Variants in EYS observed in about 807,000 individuals in gnomAD.
EYS encodes protein eyes shut homolog.
Under a neutral mutation model 282.1 loss-of-function variants are expected in EYS, and 250 were observed. The ratio of observed to expected loss-of-function variants is 0.89; its 90% CI spans 0.80 to 0.98. The LOEUF is 0.98. Ranked by LOEUF, EYS falls within the 50% of genes least tolerant of loss-of-function variation. The pLI, the probability that EYS is intolerant of heterozygous loss-of-function variation, is 0.00. For synonymous variants in EYS, 1,355 were observed against 1,282.9 expected, an observed-to-expected ratio of 1.06 and a Z score of -1.20; for missense variants, 4,016 against 3,709.0, an observed-to-expected ratio of 1.08 and a Z score of -2.15.
At chr6:64,579,616 C>A (rs968329701) in intron 26 of EYS, among the ~76,000 whole-genome samples, 1 of 152,082 alleles carries the variant, frequency 6.6e-6, no homozygotes, top group Non-Finnish European at 1.5e-5. Context: ...TAAATGTCCT[C>A]CACAAGCCTT....
intron 22 of EYS, among the ~76,000 whole-genome samples, chr6:64,651,990 T>C (rs1245404150): frequency 6.6e-6 from 1 of 152,212 alleles, no homozygotes; most frequent in African/African-American, 2.4e-5. Context: ...ACTCCAAGTG[T>C]ACTGGTGGAA....
intron 26 of EYS, among the ~76,000 whole-genome samples, chr6:64,466,389 C>G (rs933708791): frequency 6.6e-6 from 1 of 151,970 alleles, no homozygotes; most frequent in African/African-American, 2.4e-5. Flanking sequence ...GAAAATGTAG[C>G]ACATATACAA....
chr6:64,459,135 T>C (rs540065919), intron 26 of EYS, among the ~76,000 whole-genome samples: 1 of 152,322 alleles, frequency 6.6e-6, no homozygotes, highest in East Asian at 1.9e-4. Flanking sequence ...TATAAGTAAC[T>C]ATTAAACTCA....
At chr6:64,360,950 G>T (rs1159591229) in intron 29 of EYS, among the ~76,000 whole-genome samples, 1 of 151,678 alleles carries the variant, frequency 6.6e-6, no homozygotes, top group Non-Finnish European at 1.5e-5. Context: ...AAGCTTAGCT[G>T]ATCCAGCCCT....
At chr6:64,095,584 G>C (rs575722333) in intron 31 of EYS, among the ~76,000 whole-genome samples, 1 of 151,642 alleles carries the variant, frequency 6.6e-6, no homozygotes, top group Non-Finnish European at 1.5e-5. Context: ...AACCCCTGCC[G>C]TTTTTTGTTT....
At chr6:64,470,802 A>G (rs913563722) in intron 26 of EYS, among the ~76,000 whole-genome samples, 1 of 152,178 alleles carries the variant, frequency 6.6e-6, no homozygotes, top group South Asian at 2.1e-4. Context: ...AAAGGAATAC[A>G]TAAGAATAAA....
At chr6:65,578,435 A>T (rs533030073) in intron 2 of EYS, among the ~76,000 whole-genome samples, 2 of 152,000 alleles carry the variant, frequency 1.3e-5, no homozygotes, top group South Asian at 4.1e-4. Context: ...AATTGTTGTT[A>T]CGAGAGGCTT....
At position 63,907,155 on chromosome 6, in the gene EYS, A is replaced by G. The variant is rs559325715; in HGVS notation, c.7056-42797T>C. Among the ~76,000 whole-genome samples the G allele has an allele frequency of 9.2e-5, 14 of 152,298 alleles. No individual in the cohort carries two copies. The South Asian group carries it at 2.9e-3, about 32-fold the overall frequency. On this transcript the variant is annotated intron_variant, in intron 35 of 42. Transcript: ENST00000503581. Reference sequence around the variant, plus strand: ...CTTGATGGGCTCTTGCAAGGAAGAAATATCTTCCTTGTTACCTTTTCTTTC... The same window carrying G: ...CTTGATGGGCTCTTGCAAGGAAGAAGTATCTTCCTTGTTACCTTTTCTTTC...
At chr6:64,465,126 A>G (rs1775874946) in intron 26 of EYS, among the ~76,000 whole-genome samples, 1 of 152,122 alleles carries the variant, frequency 6.6e-6, no homozygotes, top group South Asian at 2.1e-4. Context: ...GCAAATAAAG[A>G]AAACGATATC....
chr6:64,210,250 T>C (rs1477455009), intron 31 of EYS, among the ~76,000 whole-genome samples: 1 of 152,222 alleles, frequency 6.6e-6, no homozygotes, highest in African/African-American at 2.4e-5. Flanking sequence ...GGGGCTGCCA[T>C]AGCGAGTTAT....
At chr6:65,428,314 A>G (rs1337349113) in intron 5 of EYS, among the ~76,000 whole-genome samples, 3 of 152,168 alleles carry the variant, frequency 2.0e-5, no homozygotes, top group South Asian at 4.1e-4. Context: ...TTAAAAAGTG[A>G]ATATATACAT....
chr6:64,141,513 T>C (rs987539506), intron 31 of EYS, among the ~76,000 whole-genome samples: 4 of 151,810 alleles, frequency 2.6e-5, no homozygotes, highest in African/African-American at 9.7e-5. Flanking sequence ...TCTTTTTTTA[T>C]TTTTATTTTT....
chr6:64,651,960 G>T (rs1562113386), intron 22 of EYS, among the ~76,000 whole-genome samples: 1 of 152,068 alleles, frequency 6.6e-6, no homozygotes, highest in African/African-American at 2.4e-5. Flanking sequence ...CTGTTAATTG[G>T]CATACACTGG....
At chr6:64,610,230 T>C (rs916168774) in intron 24 of EYS, among the ~76,000 whole-genome samples, 1 of 152,086 alleles carries the variant, frequency 6.6e-6, no homozygotes. Flanking sequence ...ATATATGACA[T>C]TAAATATATT....
chr6:65,079,789 C>T (rs1254478189), intron 12 of EYS, among the ~76,000 whole-genome samples: 6 of 152,050 alleles, frequency 3.9e-5, no homozygotes, highest in African/African-American at 1.4e-4. Flanking sequence ...TCTTCATACA[C>T]ATCTGCTTCC....
chr6:63,778,030 C>A lies in EYS; in HGVS notation c.7874G>T (p.Cys2625Phe), dbSNP rs1385824941. 6.4e-7 allele frequency: 1 copy of A among 1,551,574 alleles called. No individual in the cohort carries two copies. The highest frequency in any genetic ancestry group is 1.4e-5 in the African/African-American group (1 of 73,060). Residue 2625 changes from cysteine to phenylalanine, a missense_variant, in exon 40 of 43, where the codon TGC becomes TTC. By Grantham distance (205) the Cys-to-Phe change is radical. Coordinates refer to ENST00000503581, the MANE Select transcript of EYS (RefSeq NM_001142800.2). Reference sequence around the variant, plus strand: ...CTAAACACTAGTTCCACTCTCTATGCATGTCCCACCATTGCCACATTTCAT... The same window carrying A: ...CTAAACACTAGTTCCACTCTCTATGAATGTCCCACCATTGCCACATTTCAT... ...SLMKCGNGGT[C>F]IESGTSVYCN...
chr6:65,358,630 GTGTGTGTGT>G (rs1204214668), intron 8 of EYS, among the ~76,000 whole-genome samples: 4 of 151,126 alleles, frequency 2.6e-5, no homozygotes, highest in African/African-American at 9.7e-5. Context: ...GTGTGTGTGT[GTGTGTGTGT>G]TGGGAGAAGG....
At chr6:65,310,462 G>A (rs901904742) in intron 11 of EYS, among the ~76,000 whole-genome samples, 1 of 151,942 alleles carries the variant, frequency 6.6e-6, no homozygotes, top group South Asian at 2.1e-4. Context: ...CTCTTGTGAA[G>A]TTCCCTCCCT....
At chr6:65,466,935 C>T (rs1425027555) in intron 5 of EYS, among the ~76,000 whole-genome samples, 6 of 152,174 alleles carry the variant, frequency 3.9e-5, no homozygotes, top group Admixed American at 6.5e-5. Flanking sequence ...CACCACAAAG[C>T]TCTAGCTCAT....
Sources: gnomAD v4.1 joint callset for allele counts (sites outside exome capture counted in the v4.1 genomes callset) on GRCh38, gnomAD v4.1.1 for gene constraint, MANE v1.5 for transcripts, NCBI Gene and HGNC (gene_info 2026-07-23, HGNC 2026-07-21) for gene names.